Variants in APP observed in about 807,000 individuals in gnomAD.
APP encodes amyloid beta precursor protein, also known as amyloid-beta precursor protein.
APP carries 31 observed loss-of-function variants against 101.4 expected under a neutral mutation model. That is an observed-to-expected ratio of 0.31 (90% confidence interval 0.23 to 0.41). APP has a LOEUF of 0.41. APP is among the 10% of genes least tolerant of loss of function. The pLI, the probability that APP is intolerant of heterozygous loss-of-function variation, is 1.00. For missense variants in APP, 839 were observed against 1,003.7 expected (o/e 0.84, Z 2.22); for synonymous variants, 366 against 364.4 (o/e 1.00, Z -0.05).
intron 1 of APP, among the ~76,000 whole-genome samples, chr21:26,143,713 A>G (rs1210286188): frequency 6.6e-6 from 1 of 152,138 alleles, no homozygotes; most frequent in Non-Finnish European, 1.5e-5. Context: ...CTTCCCCCAC[A>G]TCCAAACCCT....
chr21:26,030,863 G>A (rs2044787333), intron 5 of APP, among the ~76,000 whole-genome samples: 1 of 152,222 alleles, frequency 6.6e-6, no homozygotes, highest in Non-Finnish European at 1.5e-5. Flanking sequence ...GGAAGTATAT[G>A]ACCTTTGGCT....
chr21:25,957,609 T>C (rs1214985341), intron 11 of APP, among the ~76,000 whole-genome samples: 1 of 152,192 alleles, frequency 6.6e-6, no homozygotes, highest in East Asian at 1.9e-4. Context: ...TCATGGATGC[T>C]TTCTTAGTTG....
Position 26,000,194 on chromosome 21 carries a change from A to G in APP, c.866-12T>C, listed in dbSNP as rs2043232743. 1 of 1,614,096 alleles carries G rather than the reference A, an allele frequency of 6.2e-7. No homozygotes were observed. On this transcript the variant is annotated splice_polypyrimidine_tract_variant and intron_variant, in intron 6 of 17. Coordinates refer to ENST00000346798, the MANE Select transcript of APP (RefSeq NM_000484.4). ...TTCAGAGCACACCTCTAATCAGAGGAGATGTGGGGAACCACATTTAGCATG... is the reference window on the plus strand; with the variant it reads ...TTCAGAGCACACCTCTAATCAGAGGGGATGTGGGGAACCACATTTAGCATG...
At chr21:26,000,508 A>G (rs2043247965) in intron 6 of APP, among the ~76,000 whole-genome samples, 1 of 152,220 alleles carries the variant, frequency 6.6e-6, no homozygotes, top group African/African-American at 2.4e-5. Flanking sequence ...ACAATTCTCC[A>G]TTATAAAAAA....
chr21:26,170,815 T>G (rs1005363672), upstream of APP: 2 of 555,750 alleles, frequency 3.6e-6, no homozygotes, highest in African/African-American at 4.0e-5. Context: ...GCGAGTCAGC[T>G]GATCCGGCCC....
intron 13 of APP, among the ~76,000 whole-genome samples, chr21:25,916,379 A>C (rs555238312): frequency 1.3e-5 from 2 of 152,378 alleles, no homozygotes; most frequent in African/African-American, 4.8e-5. Context: ...TTTCGTCATC[A>C]TAAAATGTCT....
chr21:26,130,619 T>C (rs1018706931), intron 1 of APP, among the ~76,000 whole-genome samples: 2 of 152,266 alleles, frequency 1.3e-5, no homozygotes, highest in African/African-American at 4.8e-5. Context: ...TAGATATTCA[T>C]GACATTTCCT....
At chr21:26,136,956 G>A (rs566378925) in intron 1 of APP, among the ~76,000 whole-genome samples, 3 of 152,016 alleles carry the variant, frequency 2.0e-5, no homozygotes, top group African/African-American at 2.4e-5. Context: ...GCAGTGGCGC[G>A]ATCTCTGCTC....
In APP at chr21:26,059,610, G is replaced by A. The variant is rs577138916; in HGVS notation, c.356-6262C>T. Among the ~76,000 whole-genome samples the A allele has an allele frequency of 1.5e-4, 23 of 152,272 alleles. No homozygotes were observed. The East Asian group carries it at 4.4e-3, about 29-fold the overall frequency. On this transcript the variant is annotated intron_variant, in intron 3 of 17. Transcript: ENST00000346798. The stretch of plus-strand genomic sequence containing the variant: ...TTTCACTTTATAAGAGAAGGCAAGG[G>A]CCGGGCACAGTGGCTCAAGTCTGTA...
intron 2 of APP, among the ~76,000 whole-genome samples, chr21:26,110,360 C>A (rs2062285576): frequency 6.6e-6 from 1 of 152,024 alleles, no homozygotes; most frequent in South Asian, 2.1e-4. Flanking sequence ...GCAGGAGAAT[C>A]ATTTATACCC....
chr21:26,129,163 C>A (rs2062742092), intron 1 of APP, among the ~76,000 whole-genome samples: 2 of 152,112 alleles, frequency 1.3e-5, no homozygotes, highest in Non-Finnish European at 2.9e-5. Context: ...TTTATAAGGT[C>A]CCAATGCAGT....
intron 1 of APP, among the ~76,000 whole-genome samples, chr21:26,121,534 C>T (rs543965004): frequency 1.2e-4 from 19 of 152,104 alleles, no homozygotes; most frequent in African/African-American, 4.1e-4. Flanking sequence ...ATTACAGGCG[C>T]GCGTCACCAC....
chr21:25,964,329 T>C (rs2041703530), intron 11 of APP, among the ~76,000 whole-genome samples: 2 of 152,232 alleles, frequency 1.3e-5, no homozygotes, highest in South Asian at 4.1e-4. Context: ...GGAAGACATC[T>C]TCCTACTTCA....
chr21:26,030,219 G>A (rs1210069837), intron 5 of APP, among the ~76,000 whole-genome samples: 2 of 152,204 alleles, frequency 1.3e-5, no homozygotes, highest in Non-Finnish European at 2.9e-5. Flanking sequence ...GTCAGTGTCA[G>A]GATATAAAAA....
chr21:25,915,261 C>T (rs1303283740), intron 13 of APP, among the ~76,000 whole-genome samples: 1 of 152,182 alleles, frequency 6.6e-6, no homozygotes, highest in East Asian at 1.9e-4. Context: ...TCTTGGAAGC[C>T]CATCTCTGCT....
At chr21:25,883,732 T>C (rs1214943292) in intron 17 of APP, among the ~76,000 whole-genome samples, 1 of 152,186 alleles carries the variant, frequency 6.6e-6, no homozygotes, top group Non-Finnish European at 1.5e-5. Flanking sequence ...GTCAGTATAA[T>C]CAGGTCCCCT....
chr21:25,977,774 A>G (rs2042276807), intron 9 of APP, among the ~76,000 whole-genome samples: 1 of 152,264 alleles, frequency 6.6e-6, no homozygotes, highest in Non-Finnish European at 1.5e-5. Context: ...AGAATAGAAC[A>G]TGGAAGAAAA....
At chr21:25,987,001 A>G (rs2042664950) in intron 8 of APP, among the ~76,000 whole-genome samples, 1 of 152,256 alleles carries the variant, frequency 6.6e-6, no homozygotes, top group South Asian at 2.1e-4. Flanking sequence ...TGTAAAGCTA[A>G]TTTTTAGAGT....
At position 25,982,290 on chromosome 21, in the gene APP, C is replaced by A. The variant is rs45560833; in HGVS notation, c.1224+54G>T. 2,994 of 1,598,066 alleles carry A rather than the reference C, an allele frequency of 1.9e-3. 29 individuals are homozygous for A. In the African/African-American group the frequency reaches 0.03, roughly 16 times the overall value. On this transcript the variant is annotated intron_variant, in intron 9 of 17. Coordinates refer to ENST00000346798, the MANE Select transcript of APP (RefSeq NM_000484.4). The stretch of plus-strand genomic sequence containing the variant: ...GCCTGTGGGGAGACTGAGGCAGAGG[C>A]AAGCTCAGGTTTCCCAATATCGTAG...
Sources: gnomAD v4.1 joint callset for allele counts (sites outside exome capture counted in the v4.1 genomes callset) on GRCh38, gnomAD v4.1.1 for gene constraint, MANE v1.5 for transcripts, NCBI Gene and HGNC (gene_info 2026-07-23, HGNC 2026-07-21) for gene names.